Variants in PITRM1 observed in about 807,000 individuals in gnomAD.
The protein encoded by PITRM1 is presequence protease, mitochondrial.
Under a neutral mutation model 129.9 loss-of-function variants are expected in PITRM1, and 100 were observed. The observed-to-expected ratio is 0.77, with a 90% CI of 0.65 to 0.91. The LOEUF is 0.91. PITRM1 is among the 40% of genes least tolerant of loss of function. The probability of loss-of-function intolerance (pLI) is 0.00; values close to 1 mark genes in which losing one functional copy is unlikely to be tolerated. For missense variants in PITRM1, 1,471 were observed against 1,318.3 expected, an observed-to-expected ratio of 1.12 and a Z score of -1.79; for synonymous variants, 591 against 508.8, an observed-to-expected ratio of 1.16 and a Z score of -2.17.
chr10:3,142,501 T>G (rs867692048), intron 23 of PITRM1, among the ~76,000 whole-genome samples: 2 of 152,246 alleles, frequency 1.3e-5, no homozygotes, highest in Non-Finnish European at 2.9e-5. Flanking sequence ...TTTGCACATA[T>G]CTGTGTCATA....
At position 3,143,347 on chromosome 10, in the gene PITRM1, G is replaced by A. The variant is rs60244029; in HGVS notation, c.2645+42C>T. 4.5e-3 allele frequency: 5,737 copies of A among 1,262,294 alleles called. 181 individuals carry two copies. The African/African-American group carries it at 0.072, about 16-fold the overall frequency. The allele number at this position is 1,262,294 out of a possible 1,614,324, so 78.2% of individuals were successfully genotyped here. ...TCGAACAGCCTTGACAAGCTCTTCCGTAAGGCTCAGGCCTGAGAGGTCCCG... is the reference window on the plus strand; with the variant it reads ...TCGAACAGCCTTGACAAGCTCTTCCATAAGGCTCAGGCCTGAGAGGTCCCG... On this transcript the variant is annotated intron_variant, in intron 23 of 26. Transcript: ENST00000224949.
chr10:3,156,877 T>C, intron 13 of PITRM1, 53 bp downstream of exon 13: 1 of 1,162,362 alleles, frequency 8.6e-7, no homozygotes, highest in South Asian at 1.8e-5. Flanking sequence ...TTCCTTTCAT[T>C]AGTATAAAAT....
At chr10:3,148,354 T>C (rs1418596688) in intron 16 of PITRM1, 63 bp from the exon 17 acceptor site, 1 of 1,525,398 alleles carries the variant, frequency 6.6e-7, no homozygotes, top group Non-Finnish European at 8.8e-7. Flanking sequence ...ATTTTTAAAA[T>C]CGTGCATCTT....
At chr10:3,159,965 G>T in intron 8 of PITRM1, 29 bp from the exon 9 acceptor site, 1 of 1,484,242 alleles carries the variant, frequency 6.7e-7, no homozygotes, top group Non-Finnish European at 9.3e-7. Context: ...TTGTGAGTAG[G>T]CACAGTGTCT....
At chr10:3,155,136 T>A (rs1335699947) in intron 14 of PITRM1, among the ~76,000 whole-genome samples, 4 of 152,092 alleles carry the variant, frequency 2.6e-5, no homozygotes, top group Non-Finnish European at 4.4e-5. Context: ...CCTCCCTCCA[T>A]GCCCACCGCT....
chr10:3,141,033 C>T (rs1840139065), intron 23 of PITRM1, among the ~76,000 whole-genome samples: 2 of 152,142 alleles, frequency 1.3e-5, no homozygotes, highest in African/African-American at 4.8e-5. Flanking sequence ...CTTTGAACTC[C>T]TGGGCTCAAG....
chr10:3,169,662 G>A (rs1564441425), intron 2 of PITRM1, among the ~76,000 whole-genome samples: 1 of 152,138 alleles, frequency 6.6e-6, no homozygotes, highest in Non-Finnish European at 1.5e-5. Context: ...GTAAGTACAG[G>A]TCCACAATTG....
chr10:3,165,884 A>G (rs1842816744), intron 4 of PITRM1, among the ~76,000 whole-genome samples: 1 of 152,230 alleles, frequency 6.6e-6, no homozygotes, highest in African/African-American at 2.4e-5. Context: ...CACAGAATGC[A>G]CTGTTCATCG....
At chr10:3,165,383 G>A in intron 5 of PITRM1, 30 bp downstream of exon 5, 1 of 1,601,210 alleles carries the variant, frequency 6.2e-7, no homozygotes, top group Non-Finnish European at 8.5e-7. Flanking sequence ...ACTAAAGTCT[G>A]TATCAACTAG....
Position 3,137,961 on chromosome 10 carries a change from TTC to T in PITRM1, c.*68_*69del, listed in dbSNP as rs1183393601. 5 of 898,212 alleles carry T rather than the reference TTC, an allele frequency of 5.6e-6. No individual in the cohort carries two copies. Among genetic ancestry groups the T allele is most frequent in the African/African-American group, 5.0e-5 (3 of 59,904 alleles). 55.6% of individuals were successfully genotyped at this position (898,212 alleles called of 1,614,324 possible). On this transcript the variant is annotated 3_prime_UTR_variant, in exon 27 of 27. Transcript: ENST00000224949. Reference sequence around the variant, plus strand: ...ATATTCTTGGAAAAAGCAGTAGCATTTCTGACTTTTCATATTCAGCTCGGAGG... The same window carrying T: ...ATATTCTTGGAAAAAGCAGTAGCATTTGACTTTTCATATTCAGCTCGGAGG...
chr10:3,138,627 G>C, intron 25 of PITRM1: 1 of 608,444 alleles, frequency 1.6e-6, no homozygotes, highest in East Asian at 2.8e-5. Context: ...GCCATGCCCG[G>C]GCCGTGCCCA....
Position 3,148,002 on chromosome 10 carries a change from C to T in PITRM1, c.2054G>A (p.Ser685Asn). Residue 685 changes from serine to asparagine, a missense_variant, in exon 18 of 27, where the codon AGT becomes AAT. Transcript: ENST00000224949. ...ATAAAGTTACTTGTTAAATATTTCA[C>T]TCCATAGCTGCATCATGTCTGGCAG... ...RNLPDMMQLW[S>N]EIFNNPCFEE... The T allele has an allele frequency of 6.2e-7, 1 of 1,612,340 alleles. No individual in the cohort carries two copies. Among genetic ancestry groups the T allele is most frequent in the Admixed American group, 1.7e-5 (1 of 60,034 alleles).
chr10:3,147,362 G>C (rs184850618), intron 19 of PITRM1, 112 bp from the exon 20 acceptor site: 2 of 986,130 alleles, frequency 2.0e-6, no homozygotes, highest in Non-Finnish European at 3.1e-6. Flanking sequence ...TTATGTGTGC[G>C]AGTGCACGGC....
Position 3,148,223 on chromosome 10 carries a change from C to G in PITRM1, c.1940G>C (p.Ser647Thr), listed in dbSNP as rs1841118216. ...GTCGGGGAGCACGTGGGGAGAAGCACTCATCCCTCCGGTCTTCAATTCTAT... is the reference window on the plus strand; with the variant it reads ...GTCGGGGAGCACGTGGGGAGAAGCAGTCATCCCTCCGGTCTTCAATTCTAT... ...QQIELKTGGMSASPHVLPDDS... is the reference protein window; with the variant it reads ...QQIELKTGGMTASPHVLPDDS... The change falls in exon 17 of 27, where the codon AGT becomes ACT. Residue 647 changes from serine (S) to threonine (T), a missense_variant. Ser to Thr is a moderately conservative substitution (Grantham distance 58, BLOSUM62 1). Coordinates refer to ENST00000224949, the MANE Select transcript of PITRM1 (RefSeq NM_014889.4). 6.2e-7 allele frequency: 1 copy of G among 1,614,014 alleles called. No homozygotes were observed. The highest frequency in any genetic ancestry group is 8.5e-7 in the Non-Finnish European group (1 of 1,179,886).
intron 13 of PITRM1, among the ~76,000 whole-genome samples, chr10:3,156,439 T>C (rs1333687615): frequency 6.6e-6 from 1 of 151,216 alleles, no homozygotes; most frequent in Admixed American, 6.6e-5. Context: ...TACTGGAGAG[T>C]TTCCCTTCAC....
chr10:3,155,199 G>A (rs1237314827), intron 14 of PITRM1, among the ~76,000 whole-genome samples: 3 of 152,088 alleles, frequency 2.0e-5, no homozygotes, highest in Non-Finnish European at 4.4e-5. Context: ...GTGCTGCTCT[G>A]TGGCTGGCAC....
intron 15 of PITRM1, among the ~76,000 whole-genome samples, chr10:3,150,796 G>A (rs1470143730): frequency 2.0e-5 from 3 of 152,164 alleles, no homozygotes; most frequent in Non-Finnish European, 4.4e-5. Flanking sequence ...CCAGGACACG[G>A]CAGGGGGATA....
At chr10:3,145,945 C>G (rs139988469) in intron 20 of PITRM1, 1 of 519,330 alleles carries the variant, frequency 1.9e-6, no homozygotes, top group Admixed American at 3.4e-5. Flanking sequence ...GCCGTCCATA[C>G]GCGGAGCCTG....
At position 3,143,923 on chromosome 10, in the gene PITRM1, G is replaced by A. The variant is rs532958579; in HGVS notation, c.2532+369C>T. 41 of 516,164 alleles carry A rather than the reference G, an allele frequency of 7.9e-5. No homozygotes were observed. In the Middle Eastern group the frequency reaches 1.1e-3, roughly 14 times the overall value. The allele number at this position is 516,164 out of a possible 1,614,324, so 32.0% of individuals were successfully genotyped here. ...CAGCATCAGCACCAGGCTGAGTCGCGGAAAGGATCTGTCAGACCGCTCCAC... is the reference window on the plus strand; with the variant it reads ...CAGCATCAGCACCAGGCTGAGTCGCAGAAAGGATCTGTCAGACCGCTCCAC... On this transcript the variant is annotated intron_variant, in intron 22 of 26. Coordinates refer to ENST00000224949, the MANE Select transcript of PITRM1 (RefSeq NM_014889.4).
Sources: allele counts gnomAD v4.1 joint callset (sites outside exome capture counted in the v4.1 genomes callset), GRCh38; gene constraint gnomAD v4.1.1; transcripts MANE v1.5; gene names NCBI Gene and HGNC (gene_info 2026-07-23, HGNC 2026-07-21).